CIB4: variants seen among roughly 807,000 people sequenced by gnomAD.
The protein encoded by CIB4 is calcium and integrin binding family member 4.
A neutral mutation model predicts 25.8 loss-of-function variants in CIB4; 25 were observed. The ratio of observed to expected loss-of-function variants is 0.97; its 90% confidence interval spans 0.71 to 1.35. The LOEUF (loss-of-function observed/expected upper bound fraction) is 1.35, where lower values mean the gene tolerates loss of function less well. CIB4 is among the 40% of genes most tolerant of loss of function. The pLI is 0.00. For missense variants in CIB4, 235 were observed against 228.2 expected (o/e 1.03, Z -0.19); for synonymous variants, 75 against 81.4 (o/e 0.92, Z 0.42).
intron 3 of CIB4, among the ~76,000 whole-genome samples, chr2:26,601,829 T>C (rs1194073860): frequency 2.6e-5 from 4 of 152,160 alleles, no homozygotes; most frequent in African/African-American, 9.7e-5. Context: ...TGAAGAACCA[T>C]TGATTAATGA....
chr2:26,593,850 T>C (rs1463121939), intron 4 of CIB4, among the ~76,000 whole-genome samples: 1 of 152,240 alleles, frequency 6.6e-6, no homozygotes, highest in Non-Finnish European at 1.5e-5. Flanking sequence ...TGCCCTCGTG[T>C]ATGTGGTGTA....
chr2:26,583,429 G>A (rs908971020), intron 5 of CIB4, among the ~76,000 whole-genome samples: 4 of 152,212 alleles, frequency 2.6e-5, no homozygotes, highest in Non-Finnish European at 5.9e-5. Flanking sequence ...ATGTTGAGAT[G>A]GGTCCCTCTG....
At chr2:26,640,859 A>G (rs1237634632) in intron 1 of CIB4, among the ~76,000 whole-genome samples, 1 of 152,162 alleles carries the variant, frequency 6.6e-6, no homozygotes, top group Non-Finnish European at 1.5e-5. Flanking sequence ...AGATGGAGGA[A>G]GGTAACCTTA....
intron 2 of CIB4, among the ~76,000 whole-genome samples, chr2:26,639,348 A>G (rs1264238180): frequency 1.4e-5 from 2 of 145,970 alleles, no homozygotes; most frequent in Non-Finnish European, 3.0e-5. Flanking sequence ...CCTCCCCTAG[A>G]CCCCCACCCC....
chr2:26,609,193 T>G (rs1668949653), intron 3 of CIB4, among the ~76,000 whole-genome samples: 1 of 152,024 alleles, frequency 6.6e-6, no homozygotes, highest in African/African-American at 2.4e-5. Context: ...GTCCTGTGAG[T>G]GGGGACGCCC....
At chr2:26,626,940 C>T (rs1669322076) in intron 3 of CIB4, among the ~76,000 whole-genome samples, 1 of 152,280 alleles carries the variant, frequency 6.6e-6, no homozygotes, top group Non-Finnish European at 1.5e-5. Flanking sequence ...GTCCCTTACC[C>T]AGCACAAGGT....
At chr2:26,631,625 A>G (rs1669421923) in intron 2 of CIB4, among the ~76,000 whole-genome samples, 2 of 152,132 alleles carry the variant, frequency 1.3e-5, no homozygotes, top group African/African-American at 4.8e-5. Flanking sequence ...TTCACATCTC[A>G]CTGACTAGAA....
chr2:26,601,731 C>T (rs766358335), intron 3 of CIB4, among the ~76,000 whole-genome samples: 35 of 151,736 alleles, frequency 2.3e-4, no homozygotes, highest in Non-Finnish European at 2.9e-5. Flanking sequence ...AAAAGGCAAG[C>T]CATAATAATC....
chr2:26,602,775 G>C (rs753779735), intron 3 of CIB4, among the ~76,000 whole-genome samples: 2 of 152,150 alleles, frequency 1.3e-5, no homozygotes, highest in Non-Finnish European at 2.9e-5. Context: ...GAGAAGGGCG[G>C]TTCAGGCCAG....
intron 3 of CIB4, among the ~76,000 whole-genome samples, chr2:26,623,034 A>T (rs1236224965): frequency 2.0e-5 from 3 of 151,814 alleles, no homozygotes; most frequent in East Asian, 1.9e-4. Context: ...AACTAAAAAA[A>T]ATTTTTTTTA....
intron 1 of CIB4, among the ~76,000 whole-genome samples, chr2:26,640,931 C>T (rs1304637056): frequency 2.0e-5 from 3 of 152,222 alleles, no homozygotes; most frequent in African/African-American, 7.2e-5. Flanking sequence ...CGCTACCCCG[C>T]CTGGTAAACT....
rs1426661977 is a variant in CIB4 at position 26,589,008 on chromosome 2, C to T, written c.329-5110G>A. On this transcript the variant is annotated intron_variant, in intron 4 of 6. Transcript: ENST00000288861. ...TCTTCTTCTTCTTCTTCTTCTTCTT[C>T]TTCTTCTTCTTCTTCTTCTTCTTCT... 3.7e-3 allele frequency among the ~76,000 whole-genome samples: 66 copies of T among 17,854 alleles called. 5 individuals carry two copies. Among genetic ancestry groups the T allele is most frequent in the Middle Eastern group, 0.045 (2 of 44 alleles). The allele number at this position is 17,854 out of a possible 152,430, so 11.7% of individuals were successfully genotyped here.
intron 3 of CIB4, among the ~76,000 whole-genome samples, chr2:26,607,960 G>A (rs542937803): frequency 1.3e-5 from 2 of 152,242 alleles, no homozygotes; most frequent in Admixed American, 6.5e-5. Context: ...AGCTCTGGCC[G>A]GGCGCGATGG....
At chr2:26,582,720 C>G in intron 6 of CIB4, 105 bp downstream of exon 6, 1 of 628,616 alleles carries the variant, frequency 1.6e-6, no homozygotes, top group Non-Finnish European at 2.8e-6. Context: ...AAACTCACAG[C>G]CTTCTTGGGA....
At chr2:26,629,542 A>G in intron 2 of CIB4, 36 bp from the exon 3 acceptor site, 2 of 1,399,232 alleles carry the variant, frequency 1.4e-6, no homozygotes, top group South Asian at 2.5e-5. Flanking sequence ...GTGGCCGGGG[A>G]AAGGAGGCCA....
At chr2:26,616,626 C>G (rs932137761) in intron 3 of CIB4, among the ~76,000 whole-genome samples, 3 of 152,232 alleles carry the variant, frequency 2.0e-5, no homozygotes, top group Admixed American at 2.0e-4. Flanking sequence ...CCAGGCTACC[C>G]CAACACCCAA....
rs1027600054 is a variant in CIB4 at position 26,627,421 on chromosome 2, G to A, written c.186+1989C>T. 1.3e-5 allele frequency among the ~76,000 whole-genome samples: 2 copies of A among 152,182 alleles called. No individual in the cohort carries two copies. Among genetic ancestry groups the A allele is most frequent in the South Asian group, 2.1e-4 (1 of 4,832 alleles). ...GTGGTCTCTAAGTTTCTTTCCAGTC[G>A]TAGCATTCAGAGAGTCTGGGACTGA... On this transcript the variant is annotated intron_variant, in intron 3 of 6. Coordinates refer to ENST00000288861, the MANE Select transcript of CIB4 (RefSeq NM_001029881.3). The surrounding 1 kb of genome is among the most constrained non-coding windows in gnomAD (Gnocchi z 4.0).
intron 3 of CIB4, among the ~76,000 whole-genome samples, chr2:26,612,704 A>G (rs1401753455): frequency 6.6e-6 from 1 of 152,096 alleles, no homozygotes; most frequent in Non-Finnish European, 1.5e-5. Context: ...CAAGCGAGGC[A>G]CTGCATATGC....
intron 3 of CIB4, among the ~76,000 whole-genome samples, chr2:26,599,677 T>C (rs1668745862): frequency 6.6e-6 from 1 of 152,234 alleles, no homozygotes; most frequent in African/African-American, 2.4e-5. Context: ...TTTTCTTAAT[T>C]ACTAGTGTTT....
Sources: allele counts gnomAD v4.1 joint callset (sites outside exome capture counted in the v4.1 genomes callset), GRCh38; gene constraint gnomAD v4.1.1; non-coding constraint Gnocchi (gnomAD v3.1); transcripts MANE v1.5; gene names NCBI Gene and HGNC (gene_info 2026-07-23, HGNC 2026-07-21).